BRSK2: variants seen among roughly 807,000 people sequenced by gnomAD.
BRSK2 encodes the protein BR serine/threonine kinase 2, also known as serine/threonine-protein kinase BRSK2.
In BRSK2, 19 loss-of-function variants were observed where a neutral mutation model predicts 83.3. The ratio of observed to expected loss-of-function variants is 0.23; its 90% CI spans 0.16 to 0.33. The LOEUF is 0.33. Ranked by LOEUF, BRSK2 falls within the 10% of genes least tolerant of loss-of-function variation. The pLI, the probability that BRSK2 is intolerant of heterozygous loss-of-function variation, is 1.00. For missense variants in BRSK2, 798 were observed against 1,042.3 expected, an observed-to-expected ratio of 0.77 and a Z score of 3.23; for synonymous variants, 519 against 435.4, an observed-to-expected ratio of 1.19 and a Z score of -2.39.
In BRSK2 at chr11:1,450,808, C is replaced by T. The variant is rs753872575; in HGVS notation, c.1495+14C>T. ...GGAAACTGCAAGGTGAGTGTCTGCC[C>T]GGAGGCGCCAGAGTGGGGCTGGGAG... On this transcript the variant is annotated intron_variant, in intron 14 of 19. Transcript: ENST00000528841. 21 of 1,583,172 alleles carry T rather than the reference C, an allele frequency of 1.3e-5. No individual in the cohort carries two copies. Among genetic ancestry groups the T allele is most frequent in the East Asian group, 4.6e-5 (2 of 43,252 alleles).
At chr11:1,425,133 G>A (rs139430001) in intron 1 of BRSK2, among the ~76,000 whole-genome samples, 113 of 152,336 alleles carry the variant, frequency 7.4e-4, no homozygotes, top group African/African-American at 2.7e-3. Context: ...ATCGTCCTGC[G>A]CTGCGTGGCC....
intron 1 of BRSK2, among the ~76,000 whole-genome samples, chr11:1,426,709 A>C (rs887759720): frequency 6.6e-6 from 1 of 152,048 alleles, no homozygotes; most frequent in Non-Finnish European, 1.5e-5. Flanking sequence ...GTTGCTGGCA[A>C]CGGGGGTGGG....
chr11:1,422,791 C>A (rs890128131), intron 1 of BRSK2, among the ~76,000 whole-genome samples: 5 of 152,184 alleles, frequency 3.3e-5, no homozygotes, highest in Non-Finnish European at 5.9e-5. Flanking sequence ...CAGCTGTTTG[C>A]CCAGCGCCAT....
intron 3 of BRSK2, among the ~76,000 whole-genome samples, chr11:1,439,364 C>T (rs1469885930): frequency 2.0e-5 from 3 of 152,026 alleles, no homozygotes; most frequent in Non-Finnish European, 4.4e-5. Flanking sequence ...GTGGGGAGCC[C>T]GCCTGCCCCA....
intron 14 of BRSK2, 83 bp from the exon 15 acceptor site, chr11:1,451,288 C>G (rs954596181): frequency 1.2e-5 from 19 of 1,534,812 alleles, no homozygotes; most frequent in Admixed American, 3.3e-5. Context: ...CCTGATGACC[C>G]TGACCTCGGC....
intron 1 of BRSK2, among the ~76,000 whole-genome samples, chr11:1,392,222 A>G (rs527499789): frequency 6.7e-4 from 102 of 152,306 alleles, no homozygotes; most frequent in Admixed American, 2.2e-3. Context: ...GAGAGCTGCC[A>G]GGTCCCAAGC....
chr11:1,414,004 A>G (rs994450313), intron 1 of BRSK2, among the ~76,000 whole-genome samples: 4 of 152,248 alleles, frequency 2.6e-5, no homozygotes, highest in African/African-American at 9.6e-5. Flanking sequence ...CCAGACTTGG[A>G]AATAGTCATG....
chr11:1,417,798 C>T (rs1349764966), intron 1 of BRSK2, among the ~76,000 whole-genome samples: 2 of 124,836 alleles, frequency 1.6e-5, no homozygotes, highest in Non-Finnish European at 3.3e-5. Context: ...TGTTTCTTCT[C>T]TTGAGAGTGG....
At chr11:1,408,031 G>A (rs1199356449) in intron 1 of BRSK2, among the ~76,000 whole-genome samples, 1 of 152,216 alleles carries the variant, frequency 6.6e-6, no homozygotes, top group African/African-American at 2.4e-5. Flanking sequence ...CCTGGTGGAG[G>A]GGTTCCTGGT....
chr11:1,407,209 C>T (rs1392681026), intron 1 of BRSK2, among the ~76,000 whole-genome samples: 1 of 152,138 alleles, frequency 6.6e-6, no homozygotes, highest in Non-Finnish European at 1.5e-5. Context: ...CATCTGATGT[C>T]TCCTTCCCAC....
intron 16 of BRSK2, 82 bp from the exon 17 acceptor site, chr11:1,456,266 G>C: frequency 1.5e-6 from 2 of 1,377,632 alleles, no homozygotes; most frequent in Non-Finnish European, 9.7e-7. Flanking sequence ...CGGTGGGGCT[G>C]GCTCGCCCCA....
intron 1 of BRSK2, among the ~76,000 whole-genome samples, chr11:1,394,344 C>A (rs1590287512): frequency 2.3e-5 from 2 of 87,592 alleles, no homozygotes; most frequent in East Asian, 3.9e-4. Context: ...GAGATGGGTC[C>A]TGGAGATGGG....
At position 1,461,015 on chromosome 11, in the gene BRSK2, C is replaced by T. The variant is rs1464547991; in HGVS notation, c.*292C>T. On this transcript the variant is annotated 3_prime_UTR_variant, in exon 20 of 20. Transcript: ENST00000528841. ...CATGTCACCTCCACGAGGCCATCCT[C>T]TGTGACCGAAGGCAGCTGCTGCGGA... is the stretch of plus-strand genomic sequence containing the variant. The T allele has an allele frequency of 1.2e-6, 2 of 1,611,950 alleles. No individual in the cohort carries two copies. The highest frequency in any genetic ancestry group is 2.2e-5 in the South Asian group (2 of 90,976).
chr11:1,399,552 C>G (rs767944309), intron 1 of BRSK2, among the ~76,000 whole-genome samples: 2 of 152,090 alleles, frequency 1.3e-5, no homozygotes, highest in Non-Finnish European at 2.9e-5. Context: ...GTGGCAAGGC[C>G]GGGCTGGTCA....
chr11:1,426,928 TG>T (rs886733531), intron 1 of BRSK2, among the ~76,000 whole-genome samples: 6 of 152,084 alleles, frequency 3.9e-5, no homozygotes, highest in South Asian at 2.1e-4. Context: ...ATGCGGGAGA[TG>T]GGGGGGCGGC....
Position 1,459,437 on chromosome 11 carries a change from CG to C in BRSK2, c.1987+202del, listed in dbSNP as rs1847124090. 3 of 625,890 alleles carry C rather than the reference CG, an allele frequency of 4.8e-6. No homozygotes were observed. The East Asian group carries it at 8.5e-5, about 18-fold the overall frequency. The allele number at this position is 625,890 out of a possible 1,614,324, so 38.8% of individuals were successfully genotyped here. A position where few individuals can be genotyped will look rare whatever the true frequency, so the allele number is the denominator to read the frequency against. On this transcript the variant is annotated intron_variant, in intron 19 of 19. Transcript: ENST00000528841. ...GCTCCCCTACCACAGCAAGCCCAGGCGGGGTTCCTGGCCAGACTCACCTCTG... is the reference window on the plus strand; with the variant it reads ...GCTCCCCTACCACAGCAAGCCCAGGCGGGTTCCTGGCCAGACTCACCTCTG...
chr11:1,443,487 A>G lies in BRSK2; in HGVS notation c.634-2A>G. 1 of 1,589,108 alleles carries G rather than the reference A, an allele frequency of 6.3e-7. No individual in the cohort carries two copies. Among genetic ancestry groups the G allele is most frequent in the Non-Finnish European group, 8.6e-7 (1 of 1,166,492 alleles). On this transcript the variant is annotated splice_acceptor_variant, in intron 7 of 19. Coordinates refer to ENST00000528841, the MANE Select transcript of BRSK2 (RefSeq NM_001256627.2). LOFTEE classifies it high-confidence loss of function. ...CTGACCCCCACACCCGGCCGCCCGCAGGGGGCTCTGCCCTTCGACGATGAC... is the reference window on the plus strand; with the variant it reads ...CTGACCCCCACACCCGGCCGCCCGCGGGGGGCTCTGCCCTTCGACGATGAC...
Position 1,455,917 on chromosome 11 carries a change from G to A in BRSK2, c.1669-431G>A, listed in dbSNP as rs551338733. Among the ~76,000 whole-genome samples the A allele has an allele frequency of 4.7e-5, 7 of 148,458 alleles. No individual in the cohort carries two copies. The South Asian group carries it at 1.5e-3, about 32-fold the overall frequency. On this transcript the variant is annotated intron_variant, in intron 16 of 19. Coordinates refer to ENST00000528841, the MANE Select transcript of BRSK2 (RefSeq NM_001256627.2). ...CCAGTGGGAGTCCCAGGAAGCCCCA[G>A]CAGGAGGGCACAGCCCCAGCCCCGC...
intron 15 of BRSK2, among the ~76,000 whole-genome samples, chr11:1,452,104 G>A (rs1244582779): frequency 6.6e-6 from 1 of 152,214 alleles, no homozygotes; most frequent in Non-Finnish European, 1.5e-5. Context: ...GGCAGAGAGC[G>A]GCGGTCAGGC....
Sources: allele counts gnomAD v4.1 joint callset (sites outside exome capture counted in the v4.1 genomes callset), GRCh38; gene constraint gnomAD v4.1.1; transcripts MANE v1.5; gene names NCBI Gene and HGNC (gene_info 2026-07-23, HGNC 2026-07-21).